The following SCFD2 variants were observed in gnomAD, a reference collection of about 807,000 sequenced individuals.
The protein encoded by SCFD2 is sec1 family domain containing 2.
Under a neutral mutation model 58.9 loss-of-function variants are expected in SCFD2, and 54 were observed. The observed-to-expected ratio is 0.92, with a 90% CI of 0.74 to 1.15. The LOEUF (loss-of-function observed/expected upper bound fraction) is 1.15, where lower values mean the gene tolerates loss of function less well. Among genes scored for constraint, SCFD2 ranks in the 50% most tolerant of loss-of-function variants. SCFD2 has a pLI of 0.00. For synonymous variants in SCFD2, 321 were observed against 335.9 expected, an observed-to-expected ratio of 0.96 and a Z score of 0.49; for missense variants, 805 against 836.6, an observed-to-expected ratio of 0.96 and a Z score of 0.47.
chr4:52,927,291 G>A (rs1719884975), intron 5 of SCFD2, among the ~76,000 whole-genome samples: 1 of 148,260 alleles, frequency 6.7e-6, no homozygotes, highest in Non-Finnish European at 1.5e-5. Context: ...ATCCTTTGAT[G>A]ACAGACTAAG....
chr4:53,356,602 T>A (rs534963670), intron 1 of SCFD2, among the ~76,000 whole-genome samples: 1 of 152,114 alleles, frequency 6.6e-6, no homozygotes, highest in Non-Finnish European at 1.5e-5. Flanking sequence ...TTTTTTGTAT[T>A]TTTTGTAGAG....
intron 1 of SCFD2, among the ~76,000 whole-genome samples, chr4:53,357,811 C>T (rs1375863224): frequency 8.5e-5 from 13 of 152,132 alleles, no homozygotes; most frequent in African/African-American, 2.9e-4. Flanking sequence ...TGCTAACTTC[C>T]GGACACACCA....
intron 3 of SCFD2, among the ~76,000 whole-genome samples, chr4:53,290,623 CA>C (rs1291301335): frequency 1.3e-5 from 2 of 150,060 alleles, no homozygotes; most frequent in African/African-American, 4.9e-5. Flanking sequence ...GACCAGAATA[CA>C]AATAAATACA....
At chr4:53,331,905 T>C (rs1236050668) in intron 2 of SCFD2, among the ~76,000 whole-genome samples, 1 of 152,022 alleles carries the variant, frequency 6.6e-6, no homozygotes, top group East Asian at 1.9e-4. Context: ...TAAAAAATGA[T>C]AAAGGGGATA....
chr4:52,943,881 G>A (rs535139150), intron 5 of SCFD2, among the ~76,000 whole-genome samples: 2 of 152,216 alleles, frequency 1.3e-5, no homozygotes, highest in East Asian at 1.9e-4. Context: ...CCATGTGGGA[G>A]GGCTGAATTC....
At chr4:53,267,944 G>C (rs1020707553) in intron 4 of SCFD2, among the ~76,000 whole-genome samples, 4 of 152,170 alleles carry the variant, frequency 2.6e-5, no homozygotes, top group Admixed American at 6.5e-5. Flanking sequence ...TCATTCTCAG[G>C]AGAAAATCTC....
chr4:53,136,650 T>C (rs1318771801), intron 5 of SCFD2, among the ~76,000 whole-genome samples: 1 of 152,226 alleles, frequency 6.6e-6, no homozygotes, highest in African/African-American at 2.4e-5. Context: ...ATATTACAGA[T>C]ACATTTCACT....
intron 3 of SCFD2, among the ~76,000 whole-genome samples, chr4:53,294,425 C>T (rs1467116174): frequency 6.6e-6 from 1 of 152,166 alleles, no homozygotes; most frequent in Non-Finnish European, 1.5e-5. Flanking sequence ...TGTTCGTTGG[C>T]TGCATAAAGG....
intron 1 of SCFD2, among the ~76,000 whole-genome samples, chr4:53,360,987 G>A (rs1460172994): frequency 6.6e-6 from 1 of 151,996 alleles, no homozygotes; most frequent in Non-Finnish European, 1.5e-5. Context: ...TTTGAGCAAT[G>A]CCCCTTTCAA....
intron 4 of SCFD2, among the ~76,000 whole-genome samples, chr4:53,203,177 T>G (rs1728304611): frequency 6.6e-6 from 1 of 152,294 alleles, no homozygotes; most frequent in East Asian, 1.9e-4. Flanking sequence ...CATAGATAGC[T>G]CTTATTATTT....
intron 4 of SCFD2, among the ~76,000 whole-genome samples, chr4:53,159,747 C>G (rs1231112512): frequency 6.6e-6 from 1 of 152,198 alleles, no homozygotes; most frequent in Non-Finnish European, 1.5e-5. Flanking sequence ...ATATTCCCAT[C>G]CAGGATGTCA....
chr4:52,973,743 G>T (rs1285331589), intron 5 of SCFD2, among the ~76,000 whole-genome samples: 2 of 152,216 alleles, frequency 1.3e-5, no homozygotes, highest in Non-Finnish European at 2.9e-5. Context: ...CAATATCCCT[G>T]ATGAACATCG....
At chr4:53,352,040 A>C (rs981721751) in intron 2 of SCFD2, among the ~76,000 whole-genome samples, 3 of 152,218 alleles carry the variant, frequency 2.0e-5, no homozygotes, top group Non-Finnish European at 4.4e-5. Context: ...GAAAGTGACT[A>C]TCATATATTT....
intron 2 of SCFD2, among the ~76,000 whole-genome samples, chr4:53,333,922 C>A (rs902923427): frequency 7.1e-6 from 1 of 140,008 alleles, no homozygotes; most frequent in African/African-American, 2.7e-5. Flanking sequence ...CAAACAACCC[C>A]ATCAAAAAGT....
intron 2 of SCFD2, among the ~76,000 whole-genome samples, chr4:53,346,897 T>C (rs185698872): frequency 5.1e-4 from 77 of 152,360 alleles, no homozygotes; most frequent in African/African-American, 1.8e-3. Context: ...ATCATGTTTT[T>C]ATTTAAGCCC....
intron 5 of SCFD2, among the ~76,000 whole-genome samples, chr4:52,972,929 A>C (rs1347343546): frequency 6.6e-6 from 1 of 152,236 alleles, no homozygotes; most frequent in African/African-American, 2.4e-5. Flanking sequence ...TGGGTACATA[A>C]CAAAATGAAG....
In SCFD2 at chr4:53,273,786, T is replaced by C. The variant is rs773718089; in HGVS notation, c.1311+40A>G. The stretch of plus-strand genomic sequence containing the variant: ...AGGTTTTTCTCTGGAAGTCAAAACA[T>C]TAATTATTAAGATCCCACGAGGTTC... On this transcript the variant is annotated intron_variant, in intron 4 of 8. Coordinates refer to ENST00000401642, the MANE Select transcript of SCFD2 (RefSeq NM_152540.4). The C allele has an allele frequency of 1.0e-5, 16 of 1,537,544 alleles. No homozygotes were observed. The East Asian group carries it at 3.4e-4, about 33-fold the overall frequency.
intron 7 of SCFD2, among the ~76,000 whole-genome samples, chr4:52,906,004 G>A (rs1251065975): frequency 1.3e-5 from 2 of 152,156 alleles, no homozygotes; most frequent in Non-Finnish European, 2.9e-5. Context: ...AATCAAATTT[G>A]TTATTTAAGC....
intron 4 of SCFD2, among the ~76,000 whole-genome samples, chr4:53,147,117 C>T (rs1217746183): frequency 1.3e-5 from 2 of 152,178 alleles, no homozygotes. Flanking sequence ...TGTGCCAGTG[C>T]ACTCTAGCCT....
Sources: allele counts gnomAD v4.1 joint callset (sites outside exome capture counted in the v4.1 genomes callset), GRCh38; gene constraint gnomAD v4.1.1; transcripts MANE v1.5; gene names NCBI Gene and HGNC (gene_info 2026-07-23, HGNC 2026-07-21).